PKNOX2: variants seen among roughly 807,000 people sequenced by gnomAD.
The protein encoded by PKNOX2 is PBX/knotted 1 homeobox 2, also known as homeobox protein PKNOX2.
Under a neutral mutation model 53.1 loss-of-function variants are expected in PKNOX2, and 14 were observed. That is an observed-to-expected ratio of 0.26 (90% confidence interval 0.17 to 0.41). The LOEUF is 0.41. Among genes scored for constraint, PKNOX2 ranks in the 10% least tolerant of loss-of-function variants. PKNOX2 has a pLI of 1.00. For synonymous variants in PKNOX2, 257 were observed against 242.8 expected, an observed-to-expected ratio of 1.06 and a Z score of -0.54; for missense variants, 496 against 602.8, an observed-to-expected ratio of 0.82 and a Z score of 1.85.
At chr11:125,237,644 A>G (rs1942817527) in intron 2 of PKNOX2, among the ~76,000 whole-genome samples, 2 of 152,148 alleles carry the variant, frequency 1.3e-5, no homozygotes, top group African/African-American at 4.8e-5. Flanking sequence ...CTTAATTCAC[A>G]GAATGTTTGA....
intron 1 of PKNOX2, among the ~76,000 whole-genome samples, chr11:125,233,653 TGTAAGGAGACAGCCCCTGA>T (rs1942423169): frequency 6.6e-6 from 1 of 152,158 alleles, no homozygotes; most frequent in South Asian, 2.1e-4. Flanking sequence ...ATCATGCAGG[TGTAAGGAGACAGCCCCTGA>T]GGAAATGACT....
chr11:125,176,694 C>G (rs554840858), intron 1 of PKNOX2, among the ~76,000 whole-genome samples: 1 of 152,342 alleles, frequency 6.6e-6, no homozygotes, highest in South Asian at 2.1e-4. Context: ...CTGTGGGGCC[C>G]TTTCTGGGGA....
chr11:125,351,819 C>T (rs966079807), intron 4 of PKNOX2, among the ~76,000 whole-genome samples: 1 of 152,258 alleles, frequency 6.6e-6, no homozygotes. Context: ...CCCCCATTCT[C>T]GGGTCACTTG....
At chr11:125,358,869 G>A (rs1951764674) in intron 4 of PKNOX2, among the ~76,000 whole-genome samples, 1 of 152,226 alleles carries the variant, frequency 6.6e-6, no homozygotes, top group African/African-American at 2.4e-5. Flanking sequence ...GCAGGCATGG[G>A]AGCTGGGAGA....
chr11:125,315,468 AGT>A (rs755788004), intron 2 of PKNOX2, among the ~76,000 whole-genome samples: 12 of 152,150 alleles, frequency 7.9e-5, no homozygotes, highest in Non-Finnish European at 1.6e-4. Context: ...TTATTGGCCC[AGT>A]GCAGAGAGGC....
chr11:125,232,178 AG>A (rs1346752995), intron 1 of PKNOX2, among the ~76,000 whole-genome samples: 7 of 152,234 alleles, frequency 4.6e-5, no homozygotes, highest in African/African-American at 1.4e-4. Flanking sequence ...AAATATTTGG[AG>A]GACTACCATG....
intron 10 of PKNOX2, among the ~76,000 whole-genome samples, chr11:125,425,876 C>G (rs867765000): frequency 1.3e-5 from 2 of 150,500 alleles, no homozygotes; most frequent in Admixed American, 6.7e-5. Context: ...CTAAACGCTG[C>G]TACTTACCCC....
intron 1 of PKNOX2, among the ~76,000 whole-genome samples, chr11:125,189,441 GTGTGTGTATATA>G (rs1347830122): frequency 9.1e-4 from 53 of 57,934 alleles, no homozygotes; most frequent in African/African-American, 3.8e-3. Context: ...GTGTGTGTGT[GTGTGTGTATATA>G]TATATATATA....
At position 125,431,726 on chromosome 11, in the gene PKNOX2, T is replaced by G; in HGVS notation, c.*334T>G. ...CCATGGCCCCCACCCACGGAAGGAC[T>G]TGAGTTGTTTACAAGCCCTGCACTG... On this transcript the variant is annotated 3_prime_UTR_variant, in exon 13 of 13. Coordinates refer to ENST00000298282, the MANE Select transcript of PKNOX2 (RefSeq NM_001382323.2). The G allele has an allele frequency of 3.0e-6, 1 of 329,722 alleles. No individual in the cohort carries two copies. The highest frequency in any genetic ancestry group is 6.0e-5 in the East Asian group (1 of 16,656). 20.4% of individuals were successfully genotyped at this position (329,722 alleles called of 1,614,324 possible).
intron 1 of PKNOX2, among the ~76,000 whole-genome samples, chr11:125,174,096 G>A (rs1955524928): frequency 6.6e-6 from 1 of 152,172 alleles, no homozygotes; most frequent in South Asian, 2.1e-4. Flanking sequence ...TCCTTCTGAG[G>A]AGCTGTCCTG....
chr11:125,213,879 G>A (rs944915637), intron 1 of PKNOX2, among the ~76,000 whole-genome samples: 4 of 152,114 alleles, frequency 2.6e-5, no homozygotes, highest in African/African-American at 7.2e-5. Flanking sequence ...AACCACGTAT[G>A]TGGAAAGTAA....
chr11:125,356,645 T>G (rs1951634147), intron 4 of PKNOX2, among the ~76,000 whole-genome samples: 1 of 152,208 alleles, frequency 6.6e-6, no homozygotes, highest in African/African-American at 2.4e-5. Flanking sequence ...AGAGGAAGGC[T>G]AAGGCTGGGC....
At chr11:125,243,617 G>T (rs1943327408) in intron 2 of PKNOX2, among the ~76,000 whole-genome samples, 1 of 150,810 alleles carries the variant, frequency 6.6e-6, no homozygotes, top group South Asian at 2.1e-4. Context: ...GTATACCTGG[G>T]ACTTTCTTTT....
At chr11:125,313,111 A>G (rs1948930323) in intron 2 of PKNOX2, among the ~76,000 whole-genome samples, 1 of 152,150 alleles carries the variant, frequency 6.6e-6, no homozygotes, top group Non-Finnish European at 1.5e-5. Flanking sequence ...GCACTTAAGA[A>G]GAACTATCTG....
chr11:125,380,550 C>T (rs1178271591), intron 5 of PKNOX2, among the ~76,000 whole-genome samples: 7 of 152,166 alleles, frequency 4.6e-5, no homozygotes, highest in Admixed American at 2.6e-4. Flanking sequence ...TCATCATCAT[C>T]GACACTCGGC....
At chr11:125,269,912 C>T (rs1439032373) in intron 2 of PKNOX2, among the ~76,000 whole-genome samples, 2 of 152,122 alleles carry the variant, frequency 1.3e-5, no homozygotes, top group African/African-American at 2.4e-5. Flanking sequence ...TTTATGCATG[C>T]ATTAATTTAA....
intron 1 of PKNOX2, among the ~76,000 whole-genome samples, chr11:125,199,884 T>TA: frequency 6.6e-6 from 1 of 152,208 alleles, no homozygotes; most frequent in South Asian, 2.1e-4. Context: ...AAACAAAACT[T>TA]ACTGGGTCTC....
chr11:125,399,630 A>G (rs1186620107), intron 7 of PKNOX2, among the ~76,000 whole-genome samples: 1 of 152,164 alleles, frequency 6.6e-6, no homozygotes, highest in Admixed American at 6.5e-5. Flanking sequence ...ATTAGAATGC[A>G]TCGGTCAGGA....
At chr11:125,237,370 C>T (rs1048494853) in intron 2 of PKNOX2, among the ~76,000 whole-genome samples, 2 of 152,226 alleles carry the variant, frequency 1.3e-5, no homozygotes, top group Admixed American at 1.3e-4. Flanking sequence ...GAGAAGGGAA[C>T]ATAAATACCC....
Sources: allele counts gnomAD v4.1 joint callset (sites outside exome capture counted in the v4.1 genomes callset), GRCh38; gene constraint gnomAD v4.1.1; transcripts MANE v1.5; gene names NCBI Gene and HGNC (gene_info 2026-07-23, HGNC 2026-07-21).